The following ATP11C variants were observed in gnomAD, a reference collection of about 807,000 sequenced individuals.
The protein encoded by ATP11C is ATPase phospholipid transporting 11C (ATP11C blood group).
In ATP11C, 36 loss-of-function variants were observed where a neutral mutation model predicts 97.4. That is an observed-to-expected ratio of 0.37 (90% confidence interval 0.28 to 0.49). ATP11C has a LOEUF of 0.49. Among genes scored for constraint, ATP11C ranks in the 20% least tolerant of loss-of-function variants. ATP11C has a pLI of 0.98. For synonymous variants in ATP11C, 275 were observed against 290.9 expected, an observed-to-expected ratio of 0.95 and a Z score of 0.56; for missense variants, 730 against 824.6, an observed-to-expected ratio of 0.89 and a Z score of 1.40.
At chrX:139,786,732 C>T (rs6635906) in intron 15 of ATP11C, among the ~76,000 whole-genome samples, 27,213 of 111,512 alleles carry the variant, frequency 0.24, 4,991 homozygotes, top group African/African-American at 0.61. Flanking sequence ...GTACTTGCCC[C>T]GAGGCTCACA....
Sources: allele counts gnomAD v4.1 joint callset (sites outside exome capture counted in the v4.1 genomes callset), GRCh38; gene constraint gnomAD v4.1.1; transcripts MANE v1.5; gene names NCBI Gene and HGNC (gene_info 2026-07-23, HGNC 2026-07-21).